Variants in HPSE2 observed in about 807,000 individuals in gnomAD.
HPSE2 encodes the protein inactive heparanase-2.
HPSE2 carries 38 observed loss-of-function variants against 60.5 expected under a neutral mutation model. That is an observed-to-expected ratio of 0.63 (90% CI 0.48 to 0.82). The LOEUF (loss-of-function observed/expected upper bound fraction) is 0.82. Ranked by LOEUF, HPSE2 falls within the 40% of genes least tolerant of loss-of-function variation. The probability of loss-of-function intolerance (pLI) is 0.00; values close to 1 mark genes in which losing one functional copy is unlikely to be tolerated. For missense variants in HPSE2, 713 were observed against 740.4 expected (o/e 0.96, Z 0.43); for synonymous variants, 295 against 293.2 (o/e 1.01, Z -0.06).
chr10:99,090,825 T>A (rs1843487361), intron 3 of HPSE2, among the ~76,000 whole-genome samples: 1 of 152,116 alleles, frequency 6.6e-6, no homozygotes, highest in Non-Finnish European at 1.5e-5. Context: ...AAAAGGAATT[T>A]CCTGCTTCCA....
chr10:99,112,789 G>A (rs1436378037), intron 3 of HPSE2, among the ~76,000 whole-genome samples: 1 of 152,036 alleles, frequency 6.6e-6, no homozygotes, highest in African/African-American at 2.4e-5. Context: ...TAATGAAACA[G>A]ACAGAACACT....
intron 3 of HPSE2, among the ~76,000 whole-genome samples, chr10:99,027,775 C>G (rs889314545): frequency 2.7e-5 from 4 of 148,644 alleles, no homozygotes; most frequent in African/African-American, 9.9e-5. Flanking sequence ...ACTAGTAAAC[C>G]AAACTCAACA....
intron 3 of HPSE2, among the ~76,000 whole-genome samples, chr10:98,835,056 G>C (rs1951761935): frequency 6.6e-6 from 1 of 152,044 alleles, no homozygotes; most frequent in Non-Finnish European, 1.5e-5. Context: ...GCTTTTGGCG[G>C]GGGAAGGGGG....
At chr10:99,101,527 C>T (rs910886519) in intron 3 of HPSE2, among the ~76,000 whole-genome samples, 1 of 152,156 alleles carries the variant, frequency 6.6e-6, no homozygotes, top group Non-Finnish European at 1.5e-5. Flanking sequence ...TAGACTCCCA[C>T]ACAATAATAA....
At chr10:98,562,696 C>T (rs1224590546) in intron 9 of HPSE2, among the ~76,000 whole-genome samples, 1 of 108,906 alleles carries the variant, frequency 9.2e-6, no homozygotes, top group African/African-American at 3.5e-5. Flanking sequence ...GCCTGGCGAA[C>T]AGAGTGAGAC....
chr10:99,150,986 C>T (rs1033911703), intron 2 of HPSE2, among the ~76,000 whole-genome samples: 1 of 151,930 alleles, frequency 6.6e-6, no homozygotes, highest in Non-Finnish European at 1.5e-5. Context: ...GACTCAGAGG[C>T]AAACCCTAGG....
At chr10:98,645,237 A>G (rs1003213780) in intron 6 of HPSE2, among the ~76,000 whole-genome samples, 13 of 152,248 alleles carry the variant, frequency 8.5e-5, no homozygotes, top group Non-Finnish European at 1.3e-4. Context: ...CAGAATATCA[A>G]GAAAGAACTA....
intron 3 of HPSE2, among the ~76,000 whole-genome samples, chr10:99,042,221 G>A (rs1001904887): frequency 3.3e-5 from 5 of 152,022 alleles, no homozygotes; most frequent in Admixed American, 2.6e-4. Flanking sequence ...AGCACACCAC[G>A]ACAGCCGTCC....
At chr10:98,790,688 T>G (rs1252313) in intron 3 of HPSE2, among the ~76,000 whole-genome samples, 128,320 of 152,214 alleles carry the variant, frequency 0.84, 54,320 homozygotes, top group African/African-American at 0.89. Flanking sequence ...ATGTTAGCTT[T>G]ACTGAATATT....
the HPSE2 span, among the ~76,000 whole-genome samples, chr10:99,282,106 A>C: frequency 6.6e-6 from 1 of 152,052 alleles, no homozygotes; most frequent in Admixed American, 6.5e-5. Flanking sequence ...AAACATACAA[A>C]AAATTAGCCA....
chr10:99,238,951 G>C (rs1271546646), upstream of HPSE2, among the ~76,000 whole-genome samples: 4 of 152,068 alleles, frequency 2.6e-5, no homozygotes, highest in Non-Finnish European at 5.9e-5. Flanking sequence ...CCTGAGGTAA[G>C]GAGTTCGAGA....
intron 3 of HPSE2, among the ~76,000 whole-genome samples, chr10:98,925,798 AGAGAAAACTG>A (rs1954441614): frequency 6.6e-6 from 1 of 152,140 alleles, no homozygotes; most frequent in South Asian, 2.1e-4. Flanking sequence ...CTCCTTGGCT[AGAGAAAACTG>A]GCTTTTGTTG....
At chr10:98,739,838 C>G (rs1949452229) in intron 4 of HPSE2, among the ~76,000 whole-genome samples, 1 of 152,070 alleles carries the variant, frequency 6.6e-6, no homozygotes, top group Non-Finnish European at 1.5e-5. Flanking sequence ...AGTGTTCATT[C>G]AATTAGAGGT....
chr10:99,188,595 A>C (rs1047366485), intron 2 of HPSE2, among the ~76,000 whole-genome samples: 2 of 152,160 alleles, frequency 1.3e-5, no homozygotes, highest in African/African-American at 4.8e-5. Context: ...ATCATACAAC[A>C]TATTGGAAAA....
intron 4 of HPSE2, 89 bp downstream of exon 4, chr10:98,743,794 T>C: frequency 8.3e-6 from 10 of 1,209,008 alleles, no homozygotes; most frequent in Middle Eastern, 2.1e-4. Flanking sequence ...GCCAGGGTAC[T>C]AGAGATGGTC....
Position 98,496,065 on chromosome 10 carries a change from G to A in HPSE2, c.1321-5869C>T, listed in dbSNP as rs116865194. On this transcript the variant is annotated intron_variant, in intron 9 of 11. Transcript: ENST00000370552. ...AGTTGTTTTTGGTGTGTGTGTGTGT[G>A]TAAGTGTGGGTGAGTATGTGTGTGT... is the stretch of plus-strand genomic sequence containing the variant. Among the ~76,000 whole-genome samples the A allele has an allele frequency of 6.2e-3, 946 of 152,170 alleles. 2 individuals carry two copies. The highest frequency in any genetic ancestry group is 9.3e-3 in the Non-Finnish European group (630 of 67,976).
chr10:99,309,102 A>G, the HPSE2 span, among the ~76,000 whole-genome samples: 1 of 152,320 alleles, frequency 6.6e-6, no homozygotes, highest in African/African-American at 2.4e-5. Flanking sequence ...GTATGACTCC[A>G]TCTATATGAA....
At chr10:98,507,862 T>C (rs1942254210) in intron 9 of HPSE2, among the ~76,000 whole-genome samples, 2 of 152,130 alleles carry the variant, frequency 1.3e-5, no homozygotes, top group African/African-American at 4.8e-5. Flanking sequence ...ACAAATGAAA[T>C]GACTCCTGAA....
At chr10:98,743,101 T>G (rs914135122) in intron 4 of HPSE2, among the ~76,000 whole-genome samples, 1 of 151,514 alleles carries the variant, frequency 6.6e-6, no homozygotes, top group African/African-American at 2.4e-5. Flanking sequence ...GCCTCCCAAG[T>G]AGCTGGGATT....
Sources: allele counts gnomAD v4.1 joint callset (sites outside exome capture counted in the v4.1 genomes callset), GRCh38; gene constraint gnomAD v4.1.1; transcripts MANE v1.5; gene names NCBI Gene and HGNC (gene_info 2026-07-23, HGNC 2026-07-21).